The following CSMD3 variants were observed in gnomAD, a reference collection of about 807,000 sequenced individuals.
CSMD3 encodes the protein CUB and Sushi multiple domains 3.
Under a neutral mutation model 435.2 loss-of-function variants are expected in CSMD3, and 177 were observed. That is an observed-to-expected ratio of 0.41 (90% CI 0.36 to 0.46). The LOEUF is 0.46. CSMD3 is among the 20% of genes least tolerant of loss of function. The pLI is 0.34. For synonymous variants in CSMD3, 1,656 were observed against 1,520.5 expected (o/e 1.09, Z -2.07); for missense variants, 4,265 against 4,504.6 (o/e 0.95, Z 1.52).
intron 13 of CSMD3, among the ~76,000 whole-genome samples, chr8:112,746,514 T>G (rs983006863): frequency 2.0e-5 from 3 of 152,190 alleles, no homozygotes; most frequent in Non-Finnish European, 4.4e-5. Context: ...TGAAAGCACC[T>G]AATATGCTTT....
intron 50 of CSMD3, among the ~76,000 whole-genome samples, chr8:112,306,539 T>C (rs1821438429): frequency 6.6e-6 from 1 of 152,208 alleles, no homozygotes; most frequent in African/African-American, 2.4e-5. Flanking sequence ...AGCCCATGAC[T>C]GGACCATCAT....
At chr8:113,234,413 C>T (rs1588332556) in intron 3 of CSMD3, among the ~76,000 whole-genome samples, 1 of 152,212 alleles carries the variant, frequency 6.6e-6, no homozygotes, top group South Asian at 2.1e-4. Flanking sequence ...CCAGACTTAA[C>T]CAGCTGAACA....
intron 5 of CSMD3, among the ~76,000 whole-genome samples, chr8:113,049,260 C>T (rs1225798433): frequency 6.6e-6 from 1 of 152,060 alleles, no homozygotes; most frequent in Non-Finnish European, 1.5e-5. Flanking sequence ...GGAGAGAAGT[C>T]ATATGCCTTC....
intron 32 of CSMD3, among the ~76,000 whole-genome samples, chr8:112,464,658 C>G (rs1309349117): frequency 2.6e-5 from 4 of 152,078 alleles, no homozygotes; most frequent in Non-Finnish European, 2.9e-5. Flanking sequence ...AAAATTTACA[C>G]AAAAACTTAT....
chr8:112,446,278 C>T (rs544359854), intron 32 of CSMD3, among the ~76,000 whole-genome samples: 1 of 152,286 alleles, frequency 6.6e-6, no homozygotes, highest in East Asian at 1.9e-4. Context: ...TGTATAAATC[C>T]TTTTCCAAAG....
chr8:112,415,262 G>A (rs760800385), intron 32 of CSMD3, among the ~76,000 whole-genome samples: 18 of 152,158 alleles, frequency 1.2e-4, no homozygotes, highest in Admixed American at 2.0e-4. Context: ...CAGCTGCTTC[G>A]GCTCTAGCTG....
chr8:113,213,281 G>A (rs1420952944), intron 3 of CSMD3, among the ~76,000 whole-genome samples: 38 of 152,018 alleles, frequency 2.5e-4, no homozygotes, highest in Non-Finnish European at 4.4e-5. Context: ...TGTAGGCAGG[G>A]CATAAAAGAT....
chr8:113,253,579 C>A (rs1056057317), intron 3 of CSMD3, among the ~76,000 whole-genome samples: 6 of 151,866 alleles, frequency 4.0e-5, no homozygotes, highest in African/African-American at 1.2e-4. Context: ...TGGTGGCTCA[C>A]GCTTGTAATC....
At chr8:112,491,910 C>T (rs1820738044) in intron 31 of CSMD3, among the ~76,000 whole-genome samples, 1 of 151,938 alleles carries the variant, frequency 6.6e-6, no homozygotes, top group South Asian at 2.1e-4. Flanking sequence ...CTCTAGTAAC[C>T]CTAAGCAATG....
At position 113,005,598 on chromosome 8, in the gene CSMD3, A is replaced by C. The variant is rs2086027613; in HGVS notation, c.1030+13469T>G. 3.9e-5 allele frequency among the ~76,000 whole-genome samples: 6 copies of C among 152,134 alleles called. No individual in the cohort carries two copies. The South Asian group carries it at 1.2e-3, about 32-fold the overall frequency. ...GAGAAAGGAAATCACTCAAGATTTA[A>C]AAAATAACTGAAAAGGAATATAATG... On this transcript the variant is annotated intron_variant, in intron 6 of 70. Transcript: ENST00000297405.
chr8:112,612,709 CTT>C (rs532290154), intron 22 of CSMD3, among the ~76,000 whole-genome samples: 43 of 65,878 alleles, frequency 6.5e-4, no homozygotes, highest in African/African-American at 2.4e-3. Flanking sequence ...TTTCTTTGTT[CTT>C]TTTTTTTTTT....
chr8:112,905,302 A>C (rs1564088211), intron 10 of CSMD3, among the ~76,000 whole-genome samples: 1 of 79,190 alleles, frequency 1.3e-5, no homozygotes, highest in Non-Finnish European at 2.3e-5. Flanking sequence ...AACATATACT[A>C]TGTGTATATA....
chr8:113,310,236 G>A (rs995515732), intron 2 of CSMD3: 3 of 151,994 alleles, frequency 2.0e-5, no homozygotes, highest in Non-Finnish European at 4.4e-5. Flanking sequence ...TATTTCATAT[G>A]TATTAAGGTT....
intron 16 of CSMD3, among the ~76,000 whole-genome samples, chr8:112,675,510 T>C (rs1483501275): frequency 6.6e-6 from 1 of 152,028 alleles, no homozygotes; most frequent in Non-Finnish European, 1.5e-5. Flanking sequence ...GACTACAGTG[T>C]AGGGGACATG....
chr8:112,401,686 C>T (rs1831355138), intron 35 of CSMD3, among the ~76,000 whole-genome samples: 1 of 152,122 alleles, frequency 6.6e-6, no homozygotes, highest in African/African-American at 2.4e-5. Flanking sequence ...ATTTCACTGT[C>T]CTCCTAAATG....
At chr8:112,634,674 G>T (rs188682420) in intron 22 of CSMD3, among the ~76,000 whole-genome samples, 45 of 152,034 alleles carry the variant, frequency 3.0e-4, no homozygotes, top group African/African-American at 1.1e-3. Flanking sequence ...TTTTTGCAAT[G>T]TCAGGTTTTC....
intron 58 of CSMD3, among the ~76,000 whole-genome samples, chr8:112,285,876 AC>A (rs553739407): frequency 6.6e-6 from 1 of 151,652 alleles, no homozygotes; most frequent in African/African-American, 2.4e-5. Flanking sequence ...ATGCCACCAC[AC>A]CTGGCTAATT....
At chr8:113,032,985 T>G (rs942623769) in intron 5 of CSMD3, among the ~76,000 whole-genome samples, 1 of 151,606 alleles carries the variant, frequency 6.6e-6, no homozygotes, top group Admixed American at 6.6e-5. Flanking sequence ...TAATCCTTGG[T>G]GGCTTCCACG....
intron 6 of CSMD3, among the ~76,000 whole-genome samples, chr8:113,006,305 G>A (rs757510544): frequency 1.6e-4 from 24 of 151,838 alleles, no homozygotes; most frequent in South Asian, 4.2e-4. Context: ...ACAGACTTTT[G>A]GACTCTTCAG....
Sources: allele counts gnomAD v4.1 joint callset (sites outside exome capture counted in the v4.1 genomes callset), GRCh38; gene constraint gnomAD v4.1.1; transcripts MANE v1.5; gene names NCBI Gene and HGNC (gene_info 2026-07-23, HGNC 2026-07-21).